USP25: variants seen among roughly 807,000 people sequenced by gnomAD.
The protein encoded by USP25 is ubiquitin specific peptidase 25.
A neutral mutation model predicts 158.5 loss-of-function variants in USP25; 85 were observed. The ratio of observed to expected loss-of-function variants is 0.54; its 90% CI spans 0.45 to 0.64. The LOEUF (loss-of-function observed/expected upper bound fraction) is 0.64. Ranked by LOEUF, USP25 falls within the 30% of genes least tolerant of loss-of-function variation. USP25 has a pLI of 0.00. For missense variants in USP25, 1,242 were observed against 1,327.3 expected (o/e 0.94, Z 1.00); for synonymous variants, 464 against 460.4 (o/e 1.01, Z -0.10).
intron 4 of USP25, among the ~76,000 whole-genome samples, chr21:15,787,916 TA>T (rs1270428843): frequency 1.6e-5 from 1 of 61,278 alleles, no homozygotes; most frequent in Non-Finnish European, 3.0e-5. Flanking sequence ...CCCCCCCAAG[TA>T]AAACCACCGT....
At chr21:15,861,337 GAAAAAGTTA>G (rs542040486) in intron 20 of USP25, among the ~76,000 whole-genome samples, 12 of 152,214 alleles carry the variant, frequency 7.9e-5, no homozygotes, top group South Asian at 4.1e-4. Context: ...AAGGTCTAGT[GAAAAAGTTA>G]AAAAAGTTAA....
At chr21:15,837,517 A>G (rs1295874015) in intron 17 of USP25, among the ~76,000 whole-genome samples, 1 of 152,222 alleles carries the variant, frequency 6.6e-6, no homozygotes, top group African/African-American at 2.4e-5. Flanking sequence ...AAAGGATCTG[A>G]TACAGTGCTA....
intron 1 of USP25, among the ~76,000 whole-genome samples, chr21:15,749,254 G>A (rs187955600): frequency 1.6e-4 from 24 of 152,302 alleles, no homozygotes; most frequent in Non-Finnish European, 2.2e-4. Context: ...ACTATGCAGC[G>A]TGATAACTGC....
intron 10 of USP25, among the ~76,000 whole-genome samples, chr21:15,820,824 T>C (rs1046907864): frequency 2.0e-5 from 3 of 151,910 alleles, no homozygotes; most frequent in African/African-American, 7.2e-5. Flanking sequence ...GAACATCTTA[T>C]TTGCTGAAAT....
At chr21:15,796,625 T>A (rs2146236381) in intron 5 of USP25, among the ~76,000 whole-genome samples, 1 of 151,598 alleles carries the variant, frequency 6.6e-6, no homozygotes, top group African/African-American at 2.4e-5. Context: ...AAGACAGGCT[T>A]CCTAGTTTCT....
At chr21:15,825,249 A>T (rs1248363041) in intron 12 of USP25, among the ~76,000 whole-genome samples, 188 bp downstream of exon 12, 1 of 152,206 alleles carries the variant, frequency 6.6e-6, no homozygotes, top group African/African-American at 2.4e-5. Context: ...TCTAGTGTTT[A>T]AAATTAAATA....
chr21:15,730,327 C>A lies in USP25; in HGVS notation c.-67C>A. 9.4e-7 allele frequency: 1 copy of A among 1,065,498 alleles called. No homozygotes were observed. The highest frequency in any genetic ancestry group is 1.1e-6 in the Non-Finnish European group (1 of 883,298). 66.0% of individuals were successfully genotyped at this position (1,065,498 alleles called of 1,614,324 possible). A position where few individuals can be genotyped will look rare whatever the true frequency, so the allele number is the denominator to read the frequency against. ...CCTGGAGCTCGGCGGAGCGCGGCAGCCAGGGCCGGCGGAGGCGCGAGGAGC... is the reference window on the plus strand; with the variant it reads ...CCTGGAGCTCGGCGGAGCGCGGCAGACAGGGCCGGCGGAGGCGCGAGGAGC... On this transcript the variant is annotated 5_prime_UTR_variant, in exon 1 of 26. Coordinates refer to ENST00000400183, the MANE Select transcript of USP25 (RefSeq NM_001283041.3).
At chr21:15,813,310 G>C (rs1270445687) in intron 9 of USP25, among the ~76,000 whole-genome samples, 1 of 152,084 alleles carries the variant, frequency 6.6e-6, no homozygotes, top group African/African-American at 2.4e-5. Flanking sequence ...CTTTACCTCA[G>C]ATTTCATAGA....
chr21:15,837,573 C>G (rs2038116395), intron 17 of USP25, among the ~76,000 whole-genome samples: 1 of 152,172 alleles, frequency 6.6e-6, no homozygotes, highest in Non-Finnish European at 1.5e-5. Flanking sequence ...CAGCATGGCT[C>G]TAGGCTGTAT....
chr21:15,873,184 A>G (rs962684711), intron 23 of USP25, among the ~76,000 whole-genome samples: 1 of 151,946 alleles, frequency 6.6e-6, no homozygotes, highest in African/African-American at 2.4e-5. Context: ...ATCATGGCTC[A>G]CTACAACCTC....
intron 20 of USP25, among the ~76,000 whole-genome samples, chr21:15,854,400 TC>T (rs1789601629): frequency 6.6e-6 from 1 of 152,074 alleles, no homozygotes; most frequent in South Asian, 2.1e-4. Flanking sequence ...CTCTTCGGCC[TC>T]CCAAAGTGCT....
In USP25 at chr21:15,847,525, C is replaced by T. The variant is rs556066918; in HGVS notation, c.2338-138C>T. On this transcript the variant is annotated intron_variant, in intron 18 of 25. Coordinates refer to ENST00000400183, the MANE Select transcript of USP25 (RefSeq NM_001283041.3). ...CTTAAACAGTTTAATAGTGCATGTG[C>T]GTTGGAACTTTTAAAAATAAGTCAT... The T allele has an allele frequency of 6.3e-4, 364 of 579,448 alleles. 1 individual carries two copies. Among genetic ancestry groups the T allele is most frequent in the Non-Finnish European group, 1.0e-3 (328 of 322,828 alleles). The allele number at this position is 579,448 out of a possible 1,614,324, so 35.9% of individuals were successfully genotyped here. A position where few individuals can be genotyped will look rare whatever the true frequency, so the allele number is the denominator to read the frequency against.
intron 7 of USP25, among the ~76,000 whole-genome samples, chr21:15,807,838 A>G (rs1017182981): frequency 6.6e-6 from 1 of 152,066 alleles, no homozygotes; most frequent in Non-Finnish European, 1.5e-5. Context: ...GTGGACATAT[A>G]TTTTTGCAGG....
intron 4 of USP25, among the ~76,000 whole-genome samples, chr21:15,789,555 A>T (rs947190888): frequency 6.6e-6 from 1 of 151,950 alleles, no homozygotes. Context: ...TGAGCAGTTT[A>T]TATTTTAGAA....
chr21:15,757,093 C>T (rs2033428581), intron 1 of USP25, among the ~76,000 whole-genome samples: 1 of 152,056 alleles, frequency 6.6e-6, no homozygotes. Context: ...GTCTTAATCA[C>T]AACAGAAATG....
intron 24 of USP25, 41 bp downstream of exon 24, chr21:15,874,567 G>C: frequency 6.5e-7 from 1 of 1,538,728 alleles, no homozygotes. Flanking sequence ...CATTTTGTCT[G>C]ACATTGGGCA....
At chr21:15,750,336 A>T (rs535852855) in intron 1 of USP25, among the ~76,000 whole-genome samples, 14 of 150,170 alleles carry the variant, frequency 9.3e-5, no homozygotes, top group African/African-American at 3.4e-4. Context: ...GGTTCAAGCA[A>T]TTCTTCTGTC....
At chr21:15,742,856 C>G (rs942727257) in intron 1 of USP25, among the ~76,000 whole-genome samples, 1 of 152,212 alleles carries the variant, frequency 6.6e-6, no homozygotes, top group Non-Finnish European at 1.5e-5. Context: ...CAGCCCAGAT[C>G]CCACGACCAC....
intron 4 of USP25, among the ~76,000 whole-genome samples, chr21:15,780,894 G>T (rs534712942): frequency 6.6e-6 from 1 of 152,138 alleles, no homozygotes; most frequent in Non-Finnish European, 1.5e-5. Flanking sequence ...GGAGGATTTC[G>T]GTGCTCAATA....
Sources: gnomAD v4.1 joint callset for allele counts (sites outside exome capture counted in the v4.1 genomes callset) on GRCh38, gnomAD v4.1.1 for gene constraint, MANE v1.5 for transcripts, NCBI Gene and HGNC (gene_info 2026-07-23, HGNC 2026-07-21) for gene names.